NELL1: variants seen among roughly 807,000 people sequenced by gnomAD.
The protein encoded by NELL1 is neural EGFL like 1.
Under a neutral mutation model 107.4 loss-of-function variants are expected in NELL1, and 76 were observed. That is an observed-to-expected ratio of 0.71 (90% CI 0.59 to 0.86). NELL1 has a LOEUF of 0.86. Among genes scored for constraint, NELL1 ranks in the 40% least tolerant of loss-of-function variants. The probability of loss-of-function intolerance (pLI) is 0.00; values close to 1 mark genes in which losing one functional copy is unlikely to be tolerated. For synonymous variants in NELL1, 353 were observed against 341.2 expected, an observed-to-expected ratio of 1.03 and a Z score of -0.38; for missense variants, 1,024 against 1,005.5, an observed-to-expected ratio of 1.02 and a Z score of -0.25.
In NELL1 at chr11:21,482,551, G is replaced by A. The variant is rs148638273; in HGVS notation, c.1646-51823G>A. On this transcript the variant is annotated intron_variant, in intron 15 of 19. Coordinates refer to ENST00000357134, the MANE Select transcript of NELL1 (RefSeq NM_006157.5). ...CTGCTAGAGTTGACGTACATGACAT[G>A]TACTAATAGATGACAAATGCTAGCT... 1.6e-3 allele frequency among the ~76,000 whole-genome samples: 237 copies of A among 152,284 alleles called. 4 individuals are homozygous for A. Among genetic ancestry groups the A allele is most frequent in the African/African-American group, 5.6e-3 (234 of 41,562 alleles).
chr11:20,834,282 G>A (rs935412212), intron 3 of NELL1, among the ~76,000 whole-genome samples: 12 of 152,158 alleles, frequency 7.9e-5, no homozygotes, highest in Admixed American at 7.2e-4. Flanking sequence ...AGAGAAAGGT[G>A]TCAAAGACAA....
At chr11:21,328,446 G>A (rs1274028554) in intron 14 of NELL1, among the ~76,000 whole-genome samples, 3 of 152,192 alleles carry the variant, frequency 2.0e-5, no homozygotes, top group Non-Finnish European at 2.9e-5. Context: ...TGTCCAGGCA[G>A]AAGTATGCTG....
At chr11:20,873,672 G>A (rs1186359984) in intron 4 of NELL1, among the ~76,000 whole-genome samples, 1 of 151,906 alleles carries the variant, frequency 6.6e-6, no homozygotes, top group Non-Finnish European at 1.5e-5. Flanking sequence ...AAACATAAAA[G>A]TAAAGGTAAG....
At chr11:21,092,426 A>G (rs1262535492) in intron 12 of NELL1, among the ~76,000 whole-genome samples, 3 of 152,202 alleles carry the variant, frequency 2.0e-5, no homozygotes, top group African/African-American at 7.2e-5. Flanking sequence ...TAAAGATACT[A>G]TTACATGAGG....
At chr11:20,693,836 T>G (rs1854540017) in intron 2 of NELL1, among the ~76,000 whole-genome samples, 1 of 152,172 alleles carries the variant, frequency 6.6e-6, no homozygotes, top group Admixed American at 6.6e-5. Flanking sequence ...TTGGCCTGCC[T>G]TGCTAGATTG....
intron 14 of NELL1, among the ~76,000 whole-genome samples, chr11:21,315,457 A>G (rs1253521853): frequency 2.6e-5 from 4 of 152,166 alleles, no homozygotes. Context: ...TAAAGAATGG[A>G]CAGAACTTGG....
intron 12 of NELL1, among the ~76,000 whole-genome samples, chr11:21,092,238 G>C (rs1483837827): frequency 1.3e-5 from 2 of 152,156 alleles, no homozygotes; most frequent in Admixed American, 6.5e-5. Flanking sequence ...TTCATGGTTA[G>C]TAGAAGGACA....
chr11:21,324,232 T>C (rs1247996442), intron 14 of NELL1, among the ~76,000 whole-genome samples: 1 of 152,090 alleles, frequency 6.6e-6, no homozygotes, highest in Non-Finnish European at 1.5e-5. Flanking sequence ...GAAATTTTTT[T>C]CCCAATTCAT....
At chr11:21,362,044 G>T (rs1006091164) in intron 14 of NELL1, among the ~76,000 whole-genome samples, 1 of 152,152 alleles carries the variant, frequency 6.6e-6, no homozygotes, top group Non-Finnish European at 1.5e-5. Flanking sequence ...TGATTTTGAG[G>T]AGTGTTGTAG....
intron 15 of NELL1, among the ~76,000 whole-genome samples, chr11:21,397,327 G>A (rs1276056214): frequency 2.0e-5 from 3 of 151,382 alleles, no homozygotes; most frequent in African/African-American, 4.8e-5. Flanking sequence ...ACCTCTTAAA[G>A]CTTCCATTGA....
intron 15 of NELL1, among the ~76,000 whole-genome samples, chr11:21,464,918 T>C (rs1853989386): frequency 6.6e-6 from 1 of 152,192 alleles, no homozygotes; most frequent in Non-Finnish European, 1.5e-5. Context: ...TCACAGTCAT[T>C]TTCTGGAAGC....
intron 2 of NELL1, among the ~76,000 whole-genome samples, chr11:20,703,369 C>T (rs12365391): frequency 0.096 from 14,545 of 151,848 alleles, 849 homozygotes; most frequent in Non-Finnish European, 0.13. Flanking sequence ...TTTTTTATTG[C>T]GTCTATTTGA....
intron 2 of NELL1, among the ~76,000 whole-genome samples, chr11:20,679,436 A>G (rs1410622670): frequency 2.0e-5 from 3 of 152,220 alleles, no homozygotes; most frequent in Admixed American, 1.3e-4. Flanking sequence ...TGAGATTTAC[A>G]TATTTACAGT....
At chr11:21,216,200 G>A (rs1007800762) in intron 13 of NELL1, among the ~76,000 whole-genome samples, 1 of 152,190 alleles carries the variant, frequency 6.6e-6, no homozygotes, top group Non-Finnish European at 1.5e-5. Context: ...CAGAAGTCAA[G>A]AATTGAGGTT....
intron 13 of NELL1, among the ~76,000 whole-genome samples, chr11:21,118,108 A>G (rs1255541021): frequency 6.6e-6 from 1 of 152,068 alleles, no homozygotes; most frequent in Non-Finnish European, 1.5e-5. Context: ...CTCAAAAATT[A>G]ATTACAATAT....
chr11:21,371,050 C>T, intron 15 of NELL1, 102 bp downstream of exon 15: 1 of 883,660 alleles, frequency 1.1e-6, no homozygotes, highest in East Asian at 2.8e-5. Context: ...TGTGGGTTGA[C>T]TTGATACATT....
intron 9 of NELL1, among the ~76,000 whole-genome samples, chr11:20,929,926 C>A (rs553485142): frequency 6.7e-6 from 1 of 149,430 alleles, no homozygotes; most frequent in Admixed American, 6.7e-5. Context: ...GAGCTGAGAT[C>A]GCGCCACTGC....
intron 5 of NELL1, among the ~76,000 whole-genome samples, chr11:20,901,506 G>A (rs1849872632): frequency 6.6e-6 from 1 of 151,542 alleles, no homozygotes; most frequent in South Asian, 2.1e-4. Context: ...AAAAACGTCT[G>A]CTTCTTCCAC....
At chr11:21,552,855 T>C (rs1352159967) in intron 16 of NELL1, among the ~76,000 whole-genome samples, 1 of 151,784 alleles carries the variant, frequency 6.6e-6, no homozygotes, top group Non-Finnish European at 1.5e-5. Context: ...CCTTGATCAA[T>C]GTCTTAACTC....
Sources: gnomAD v4.1 joint callset for allele counts (sites outside exome capture counted in the v4.1 genomes callset) on GRCh38, gnomAD v4.1.1 for gene constraint, MANE v1.5 for transcripts, NCBI Gene and HGNC (gene_info 2026-07-23, HGNC 2026-07-21) for gene names.